The following RNF150 variants were observed in gnomAD, a reference collection of about 807,000 sequenced individuals.
RNF150 encodes the protein ring finger protein 150.
RNF150 carries 24 observed loss-of-function variants against 39.3 expected under a neutral mutation model. The ratio of observed to expected loss-of-function variants is 0.61; its 90% CI spans 0.44 to 0.86. The LOEUF (loss-of-function observed/expected upper bound fraction) is 0.86. Among genes scored for constraint, RNF150 ranks in the 40% least tolerant of loss-of-function variants. The probability of loss-of-function intolerance (pLI) is 0.00; values close to 1 mark genes in which losing one functional copy is unlikely to be tolerated. For synonymous variants in RNF150, 255 were observed against 227.3 expected (o/e 1.12, Z -1.10); for missense variants, 502 against 587.8 (o/e 0.85, Z 1.51).
intron 6 of RNF150, among the ~76,000 whole-genome samples, chr4:140,900,002 G>GTGTGTC (rs1352482367): frequency 0.01 from 1,488 of 144,324 alleles, 42 homozygotes; most frequent in Admixed American, 0.048. Flanking sequence ...GTGTGTGTGT[G>GTGTGTC]TGTCCCATTT....
intron 1 of RNF150, among the ~76,000 whole-genome samples, chr4:141,202,867 A>T (rs1330964661): frequency 6.6e-6 from 1 of 151,918 alleles, no homozygotes; most frequent in African/African-American, 2.4e-5. Context: ...ACTGCATGCA[A>T]TTCCATTAAA....
At chr4:141,165,451 A>G (rs2111164214) in intron 1 of RNF150, among the ~76,000 whole-genome samples, 1 of 152,314 alleles carries the variant, frequency 6.6e-6, no homozygotes, top group East Asian at 1.9e-4. Flanking sequence ...AGCAGACCTA[A>G]TAGACATCTA....
chr4:141,011,863 C>A (rs1735087456), intron 1 of RNF150, among the ~76,000 whole-genome samples: 1 of 152,096 alleles, frequency 6.6e-6, no homozygotes, highest in Admixed American at 6.6e-5. Flanking sequence ...TATATAAAAC[C>A]AAACTTCAGA....
At chr4:141,194,564 G>A (rs1281507694) in intron 1 of RNF150, among the ~76,000 whole-genome samples, 2 of 151,974 alleles carry the variant, frequency 1.3e-5, no homozygotes, top group Non-Finnish European at 2.9e-5. Context: ...ATACATGCTA[G>A]CATACTGCCT....
chr4:141,194,558 A>G (rs559927467), intron 1 of RNF150, among the ~76,000 whole-genome samples: 15 of 152,284 alleles, frequency 9.9e-5, no homozygotes, highest in Admixed American at 6.5e-4. Context: ...AAAAAAATAC[A>G]TGCTAGCATA....
chr4:141,122,875 C>T (rs933134602), intron 1 of RNF150, among the ~76,000 whole-genome samples: 16 of 152,006 alleles, frequency 1.1e-4, no homozygotes, highest in African/African-American at 3.6e-4. Context: ...ATAAGAAAAA[C>T]GTTTTATTAA....
chr4:140,886,338 C>T (rs2111217109), intron 6 of RNF150, among the ~76,000 whole-genome samples: 1 of 151,890 alleles, frequency 6.6e-6, no homozygotes, highest in South Asian at 2.1e-4. Flanking sequence ...TGGTTGTGTT[C>T]AGCTGAGTGG....
chr4:141,211,613 T>C (rs6839752), intron 1 of RNF150, among the ~76,000 whole-genome samples: 5,073 of 152,208 alleles, frequency 0.033, 301 homozygotes, highest in African/African-American at 0.11. Context: ...TTTTTCCACT[T>C]GTTGCTAAGA....
intron 6 of RNF150, among the ~76,000 whole-genome samples, chr4:140,890,017 C>T (rs1458156081): frequency 6.6e-6 from 1 of 152,068 alleles, no homozygotes; most frequent in Non-Finnish European, 1.5e-5. Flanking sequence ...CAAATAAAAA[C>T]CCCCACATTA....
At chr4:141,198,521 TATG>T (rs1169333261) in intron 1 of RNF150, among the ~76,000 whole-genome samples, 4 of 152,240 alleles carry the variant, frequency 2.6e-5, no homozygotes, top group Admixed American at 2.0e-4. Flanking sequence ...AAGGTGAACA[TATG>T]ATTCCTGCCT....
chr4:141,062,284 T>C (rs1440650179), intron 1 of RNF150, among the ~76,000 whole-genome samples: 1 of 152,162 alleles, frequency 6.6e-6, no homozygotes, highest in Non-Finnish European at 1.5e-5. Context: ...GTATTATACA[T>C]GTCTGTATTA....
intron 1 of RNF150, among the ~76,000 whole-genome samples, chr4:141,104,600 C>T (rs1437727908): frequency 7.9e-5 from 12 of 152,280 alleles, no homozygotes; most frequent in Admixed American, 5.9e-4. Context: ...AAGCCGACAA[C>T]AAATGATACA....
chr4:141,053,530 G>A, intron 1 of RNF150: 1 of 437,176 alleles, frequency 2.3e-6, no homozygotes, highest in African/African-American at 2.0e-5. Flanking sequence ...CATTTAGGCA[G>A]GGCTCAAAAG....
At chr4:141,171,490 GAGAA>G (rs372750212) in intron 1 of RNF150, among the ~76,000 whole-genome samples, 3 of 141,182 alleles carry the variant, frequency 2.1e-5, no homozygotes, top group Admixed American at 7.1e-5. Context: ...GAGAGAGAGA[GAGAA>G]AGTGGGGATT....
At chr4:140,913,232 G>A (rs1182513908) in intron 5 of RNF150, among the ~76,000 whole-genome samples, 1 of 152,188 alleles carries the variant, frequency 6.6e-6, no homozygotes, top group Non-Finnish European at 1.5e-5. Context: ...CTGCACTCCA[G>A]CCTGGCGACA....
At chr4:140,980,105 T>C (rs1048379268) in intron 1 of RNF150, among the ~76,000 whole-genome samples, 15 of 152,106 alleles carry the variant, frequency 9.9e-5, no homozygotes, top group African/African-American at 2.4e-5. Context: ...TGCAGTGGCA[T>C]GATCTTGGGT....
At chr4:140,917,749 C>G (rs9654246) in intron 5 of RNF150, among the ~76,000 whole-genome samples, 82,887 of 150,566 alleles carry the variant, frequency 0.55, 23,256 homozygotes, top group East Asian at 0.89. Flanking sequence ...TTTTTTTCAG[C>G]ACCACACCAC....
intron 1 of RNF150, among the ~76,000 whole-genome samples, chr4:141,042,417 G>A (rs906682750): frequency 3.9e-5 from 6 of 151,986 alleles, no homozygotes; most frequent in African/African-American, 1.4e-4. Context: ...AGTTCTCTGA[G>A]GCATTTCAAA....
At chr4:141,194,649 T>G (rs978628915) in intron 1 of RNF150, among the ~76,000 whole-genome samples, 5 of 152,142 alleles carry the variant, frequency 3.3e-5, no homozygotes, top group African/African-American at 1.2e-4. Context: ...CCTCACACAA[T>G]GCTAGAGTAC....
Sources: allele counts gnomAD v4.1 joint callset (sites outside exome capture counted in the v4.1 genomes callset), GRCh38; gene constraint gnomAD v4.1.1; transcripts MANE v1.5; gene names NCBI Gene and HGNC (gene_info 2026-07-23, HGNC 2026-07-21).